The following RIIAD1 variants were observed in gnomAD, a reference collection of about 807,000 sequenced individuals.
RIIAD1 encodes the protein RIIa domain-containing protein 1.
A neutral mutation model predicts 13.3 loss-of-function variants in RIIAD1; 15 were observed. That is an observed-to-expected ratio of 1.13 (90% CI 0.76 to 1.74). The LOEUF (loss-of-function observed/expected upper bound fraction) is 1.74. RIIAD1 is among the 40% of genes most tolerant of loss of function. The pLI is 0.00. For missense variants in RIIAD1, 121 were observed against 112.2 expected, an observed-to-expected ratio of 1.08 and a Z score of -0.35; for synonymous variants, 50 against 43.3, an observed-to-expected ratio of 1.16 and a Z score of -0.61.
chr1:151,715,795 G>T (rs114505252), intron 4 of RIIAD1: 17 of 1,593,762 alleles, frequency 1.1e-5, no homozygotes, highest in Non-Finnish European at 1.5e-5. Flanking sequence ...CTTCCCAGCC[G>T]CTCCACCCCT....
chr1:151,716,857 G>T (rs868128616), upstream of RIIAD1: 17 of 454,028 alleles, frequency 3.7e-5, no homozygotes, highest in South Asian at 2.4e-4. Flanking sequence ...TGACATCAGT[G>T]ATGTCAGTCT....
upstream of RIIAD1, among the ~76,000 whole-genome samples, chr1:151,719,287 G>T (rs1222480120): frequency 6.6e-6 from 1 of 152,132 alleles, no homozygotes; most frequent in Non-Finnish European, 1.5e-5. Flanking sequence ...AGGCAGGGGA[G>T]CCCTGAGACT....
At chr1:151,715,011 C>T (rs1301688065) in intron 4 of RIIAD1, among the ~76,000 whole-genome samples, 1 of 152,032 alleles carries the variant, frequency 6.6e-6, no homozygotes, top group African/African-American at 2.4e-5. Flanking sequence ...TTTCCCCTCT[C>T]TCCCTCACCT....
At chr1:151,717,043 A>G (rs1037600971), upstream of RIIAD1, among the ~76,000 whole-genome samples, 8 of 152,056 alleles carry the variant, frequency 5.3e-5, no homozygotes, top group African/African-American at 1.9e-4. Context: ...TGGGCAAAGC[A>G]CTAAGATGGA....
At chr1:151,727,106 T>G (rs1438490234) in intron 2 of RIIAD1, among the ~76,000 whole-genome samples, 1 of 151,996 alleles carries the variant, frequency 6.6e-6, no homozygotes, top group Non-Finnish European at 1.5e-5. Context: ...CTGGGCCACA[T>G]AGTAAGACTC....
intron 4 of RIIAD1, chr1:151,716,469 C>A (rs924290634): frequency 6.6e-6 from 2 of 303,184 alleles, no homozygotes; most frequent in Non-Finnish European, 1.3e-5. Context: ...GCTATGGTTG[C>A]CAGCAGCGTC....
intron 4 of RIIAD1, chr1:151,715,704 C>A: frequency 1.3e-6 from 2 of 1,549,210 alleles, no homozygotes. Context: ...ACCGGGGTTT[C>A]CTGATCACTC....
chr1:151,718,049 CCTT>C (rs1673621197), upstream of RIIAD1, among the ~76,000 whole-genome samples: 1 of 152,144 alleles, frequency 6.6e-6, no homozygotes, highest in African/African-American at 2.4e-5. Flanking sequence ...CCTGTCATTC[CCTT>C]CTTCTCCCCC....
upstream of RIIAD1, among the ~76,000 whole-genome samples, chr1:151,717,135 G>C (rs11587006): frequency 0.12 from 18,345 of 152,180 alleles, 1,210 homozygotes; most frequent in Non-Finnish European, 0.14. Context: ...TCAGCAGATG[G>C]GGGGTGGCGG....
At chr1:151,715,801 C>A in intron 4 of RIIAD1, 1 of 1,594,780 alleles carries the variant, frequency 6.3e-7, no homozygotes, top group Non-Finnish European at 8.5e-7. Flanking sequence ...AGCCGCTCCA[C>A]CCCTCCAGCC....
chr1:151,719,116 G>A (rs975089951), upstream of RIIAD1, among the ~76,000 whole-genome samples: 4 of 152,216 alleles, frequency 2.6e-5, no homozygotes, highest in Admixed American at 2.0e-4. Context: ...AATGCGTCCA[G>A]TCCTTTGCTT....
intron 4 of RIIAD1, among the ~76,000 whole-genome samples, chr1:151,715,119 G>C (rs1163943513): frequency 1.3e-5 from 2 of 152,088 alleles, no homozygotes; most frequent in Non-Finnish European, 2.9e-5. Flanking sequence ...GTGGAGGACG[G>C]AGAGTGAAAT....
chr1:151,714,473 A>G (rs1359990281), exon 4 of RIIAD1: 5 of 750,518 alleles, frequency 6.7e-6, no homozygotes, highest in Admixed American at 2.0e-5. Context: ...ACAGAGAGAG[A>G]GGGGGACTTC....
rs191901463 is a variant in RIIAD1 at position 151,728,621 on chromosome 1, T to C, written c.209-145T>C. 514 of 643,520 alleles carry C rather than the reference T, an allele frequency of 8.0e-4. 2 individuals carry two copies. The African/African-American group carries it at 8.7e-3, about 11-fold the overall frequency. 39.9% of individuals were successfully genotyped at this position (643,520 alleles called of 1,614,324 possible). A position where few individuals can be genotyped will look rare whatever the true frequency, so the allele number is the denominator to read the frequency against. On this transcript the variant is annotated intron_variant, in intron 3 of 4. Transcript: ENST00000479191. The stretch of plus-strand genomic sequence containing the variant: ...GGCAGTGACCGTTCATTTTACCATA[T>C]TACATTGTAAAGCAGGGCCACCAGT...
chr1:151,714,203 C>G (rs540073825), intron 3 of RIIAD1, among the ~76,000 whole-genome samples: 1 of 152,198 alleles, frequency 6.6e-6, no homozygotes, highest in East Asian at 1.9e-4. Flanking sequence ...TCACAGCCAC[C>G]CAGCCTGCCT....
At chr1:151,712,487 A>G (rs1673107484) in intron 2 of RIIAD1, among the ~76,000 whole-genome samples, 1 of 152,196 alleles carries the variant, frequency 6.6e-6, no homozygotes, top group South Asian at 2.1e-4. Context: ...TCCTGACTGC[A>G]GACCGACAGG....
chr1:151,729,559 G>C lies in RIIAD1; in HGVS notation c.*129G>C, dbSNP rs1165886734. On this transcript the variant is annotated 3_prime_UTR_variant, in exon 5 of 5. Coordinates refer to ENST00000479191, the MANE Select transcript of RIIAD1 (RefSeq NM_001144956.3). ...CAAGCTGCCTTGGGCTCTGTCTACT[G>C]TCGCAAAAGCTTTTAAAGATATTCA... 1 of 152,234 alleles carries C rather than the reference G, an allele frequency of 6.6e-6. No homozygotes were observed. The highest frequency in any genetic ancestry group is 1.5e-5 in the Non-Finnish European group (1 of 68,064). The allele number at this position is 152,234 out of a possible 1,614,324, so 9.4% of individuals were successfully genotyped here.
chr1:151,726,191 A>G (rs1673825937), intron 2 of RIIAD1, among the ~76,000 whole-genome samples: 1 of 152,098 alleles, frequency 6.6e-6, no homozygotes, highest in Non-Finnish European at 1.5e-5. Context: ...CTGCTCTGTG[A>G]AGATTGTTGG....
At chr1:151,728,216 T>G (rs1342912129) in intron 3 of RIIAD1, among the ~76,000 whole-genome samples, 1 of 152,228 alleles carries the variant, frequency 6.6e-6, no homozygotes, top group Non-Finnish European at 1.5e-5. Flanking sequence ...ATGCTGCCTC[T>G]GATTCACAGT....
Sources: allele counts gnomAD v4.1 joint callset (sites outside exome capture counted in the v4.1 genomes callset), GRCh38; gene constraint gnomAD v4.1.1; transcripts MANE v1.5; gene names NCBI Gene and HGNC (gene_info 2026-07-23, HGNC 2026-07-21).